The following CSGALNACT1 variants were observed in gnomAD, a reference collection of about 807,000 sequenced individuals.
CSGALNACT1 encodes the protein beta4GalNAcT-1.
In CSGALNACT1, 52 loss-of-function variants were observed where a neutral mutation model predicts 51.0. The observed-to-expected ratio is 1.02, with a 90% CI of 0.82 to 1.29. The LOEUF is 1.29. Among genes scored for constraint, CSGALNACT1 ranks in the 50% most tolerant of loss-of-function variants. The pLI is 0.00. For synonymous variants in CSGALNACT1, 341 were observed against 254.4 expected (o/e 1.34, Z -3.24); for missense variants, 935 against 679.2 (o/e 1.38, Z -4.19).
chr8:19,466,544 T>C (rs748082636), intron 4 of CSGALNACT1, among the ~76,000 whole-genome samples: 150 of 152,340 alleles, frequency 9.8e-4, no homozygotes, highest in Middle Eastern at 6.8e-3. Context: ...GTCTCACTTA[T>C]CCAGAAAATT....
intron 2 of CSGALNACT1, among the ~76,000 whole-genome samples, chr8:19,599,524 G>GAAAGAAAGAA (rs1302157566): frequency 1.3e-5 from 1 of 78,392 alleles, no homozygotes; most frequent in South Asian, 4.6e-4. Context: ...AAGAAAGAAA[G>GAAAGAAAGAA]AAAAGAAAGA....
At chr8:19,592,684 G>A (rs1485347989) in intron 2 of CSGALNACT1, among the ~76,000 whole-genome samples, 5 of 152,312 alleles carry the variant, frequency 3.3e-5, no homozygotes, top group Admixed American at 2.6e-4. Context: ...AGCCTGGAAG[G>A]CAGAGGCTGC....
In CSGALNACT1 at chr8:19,551,724, C is replaced by T. The variant is rs191265709; in HGVS notation, c.-297+39436G>A. Reference sequence around the variant, plus strand: ...ACTCTCCCTTCTGCTAATCCAATTCCCACTCAACAATTTGCTTGCCATCTC... The same window carrying T: ...ACTCTCCCTTCTGCTAATCCAATTCTCACTCAACAATTTGCTTGCCATCTC... On this transcript the variant is annotated intron_variant, in intron 3 of 9. Coordinates refer to ENST00000454498, the Ensembl canonical transcript of CSGALNACT1. Among the ~76,000 whole-genome samples the T allele has an allele frequency of 2.6e-4, 39 of 151,354 alleles. No individual in the cohort carries two copies. In the South Asian group the frequency reaches 8.1e-3, roughly 32 times the overall value.
At chr8:19,660,017 A>G (rs1030082925) in intron 1 of CSGALNACT1, among the ~76,000 whole-genome samples, 2 of 152,306 alleles carry the variant, frequency 1.3e-5, no homozygotes, top group Admixed American at 1.3e-4. Context: ...AGGTAGTACT[A>G]TTATTGTCCC....
rs144076346 is a variant in CSGALNACT1, at chr8:19,595,277, A to G, written c.-415-3999T>C. 3.2e-3 allele frequency among the ~76,000 whole-genome samples: 493 copies of G among 152,314 alleles called. 2 individuals carry two copies. Among genetic ancestry groups the G allele is most frequent in the African/African-American group, 0.011 (470 of 41,566 alleles). On this transcript the variant is annotated intron_variant, in intron 2 of 9. Transcript: ENST00000454498. Reference sequence around the variant, plus strand: ...CTTTAGAGCGAGTATTAGCTCTTTGAGAACAACATGCTATTTTTCTCATTT... The same window carrying G: ...CTTTAGAGCGAGTATTAGCTCTTTGGGAACAACATGCTATTTTTCTCATTT...
chr8:19,658,062 CAAA>C (rs397973082), intron 1 of CSGALNACT1, among the ~76,000 whole-genome samples: 43 of 86,684 alleles, frequency 5.0e-4, no homozygotes, highest in African/African-American at 1.7e-3. Flanking sequence ...ACCCTCCTTC[CAAA>C]AAAAAAAAAA....
chr8:19,487,416 G>A (rs1366705611), intron 4 of CSGALNACT1, among the ~76,000 whole-genome samples: 1 of 152,186 alleles, frequency 6.6e-6, no homozygotes. Flanking sequence ...TGACAGGGAG[G>A]TTCCAGGACA....
At chr8:19,622,413 A>T (rs933955234) in intron 1 of CSGALNACT1, among the ~76,000 whole-genome samples, 4 of 152,224 alleles carry the variant, frequency 2.6e-5, no homozygotes, top group Non-Finnish European at 2.9e-5. Context: ...AATTTTCAGG[A>T]ATTTTACAAG....
intron 3 of CSGALNACT1, among the ~76,000 whole-genome samples, chr8:19,563,787 T>C (rs79804928): frequency 0.036 from 5,517 of 152,134 alleles, 329 homozygotes; most frequent in African/African-American, 0.13. Flanking sequence ...TCAAATGTCT[T>C]CACTAACTCC....
intron 1 of CSGALNACT1, among the ~76,000 whole-genome samples, chr8:19,654,760 G>T (rs1395757889): frequency 1.3e-5 from 2 of 152,034 alleles, no homozygotes; most frequent in Admixed American, 1.3e-4. Context: ...GCCCCGGCTA[G>T]TCTTGAACTC....
chr8:19,436,669 G>C (rs2060427963), intron 6 of CSGALNACT1, among the ~76,000 whole-genome samples: 1 of 152,202 alleles, frequency 6.6e-6, no homozygotes, highest in Non-Finnish European at 1.5e-5. Context: ...AACTTTGGGA[G>C]GATGAGGCAA....
intron 1 of CSGALNACT1, among the ~76,000 whole-genome samples, chr8:19,733,116 G>A (rs537005040): frequency 6.6e-6 from 1 of 152,272 alleles, no homozygotes; most frequent in South Asian, 2.1e-4. Flanking sequence ...TAGAACTTCT[G>A]GACAGAAGTG....
intron 4 of CSGALNACT1, among the ~76,000 whole-genome samples, chr8:19,461,448 G>A (rs1008844514): frequency 6.6e-6 from 1 of 151,868 alleles, no homozygotes; most frequent in African/African-American, 2.4e-5. Flanking sequence ...CACTATGCAG[G>A]GCATAACTGC....
At chr8:19,666,939 GAGAAAAAGAA>G (rs71205939) in intron 1 of CSGALNACT1, among the ~76,000 whole-genome samples, 1 of 123,052 alleles carries the variant, frequency 8.1e-6, no homozygotes, top group Non-Finnish European at 1.7e-5. Flanking sequence ...CAGAGAGAGA[GAGAAAAAGAA>G]AGAAAGAAAG....
intron 1 of CSGALNACT1, among the ~76,000 whole-genome samples, chr8:19,672,432 C>T (rs73216607): frequency 0.012 from 1,821 of 152,266 alleles, 18 homozygotes; most frequent in Non-Finnish European, 0.018. Flanking sequence ...CACCTTTCAC[C>T]GTAAGGAGTG....
chr8:19,677,589 A>T (rs1461523148), intron 1 of CSGALNACT1, among the ~76,000 whole-genome samples: 1 of 152,244 alleles, frequency 6.6e-6, no homozygotes, highest in Non-Finnish European at 1.5e-5. Flanking sequence ...GCAGGGCCAG[A>T]GTATGCACAT....
At chr8:19,430,107 T>C (rs1205671370) in intron 6 of CSGALNACT1, among the ~76,000 whole-genome samples, 1 of 152,246 alleles carries the variant, frequency 6.6e-6, no homozygotes, top group Non-Finnish European at 1.5e-5. Flanking sequence ...TTATTGAATA[T>C]AGACCCTTAT....
intron 1 of CSGALNACT1, among the ~76,000 whole-genome samples, chr8:19,642,220 G>A (rs886897092): frequency 8.5e-5 from 13 of 152,178 alleles, no homozygotes; most frequent in African/African-American, 3.1e-4. Flanking sequence ...GCTGTAGGAA[G>A]GGTAGAGATC....
intron 4 of CSGALNACT1, among the ~76,000 whole-genome samples, chr8:19,482,859 T>C (rs1221545517): frequency 6.6e-6 from 1 of 152,154 alleles, no homozygotes; most frequent in Non-Finnish European, 1.5e-5. Flanking sequence ...TCCCTTTATG[T>C]GTCCCAGAGA....
Sources: gnomAD v4.1 joint callset for allele counts (sites outside exome capture counted in the v4.1 genomes callset) on GRCh38, gnomAD v4.1.1 for gene constraint, MANE v1.5 for transcripts, NCBI Gene and HGNC (gene_info 2026-07-23, HGNC 2026-07-21) for gene names.